CEP170B: variants seen among roughly 807,000 people sequenced by gnomAD.
CEP170B encodes the protein centrosomal protein of 170 kDa protein B.
In CEP170B, 55 loss-of-function variants were observed where a neutral mutation model predicts 120.6. The ratio of observed to expected loss-of-function variants is 0.46; its 90% CI spans 0.37 to 0.57. The LOEUF (loss-of-function observed/expected upper bound fraction) is 0.57. CEP170B is among the 20% of genes least tolerant of loss of function. CEP170B has a pLI of 0.00. For missense variants in CEP170B, 2,212 were observed against 2,253.3 expected, an observed-to-expected ratio of 0.98 and a Z score of 0.37; for synonymous variants, 1,033 against 954.5, an observed-to-expected ratio of 1.08 and a Z score of -1.52.
chr14:104,872,197 C>T (rs1318512085), intron 2 of CEP170B, among the ~76,000 whole-genome samples: 1 of 119,872 alleles, frequency 8.3e-6, no homozygotes, highest in Admixed American at 8.9e-5. Context: ...TGTGTGTGTG[C>T]CGTGGGTGTG....
rs1896866056 is a variant in CEP170B, at chr14:104,891,815, G to C, written c.3879-1161G>C. Among the ~76,000 whole-genome samples the C allele has an allele frequency of 6.6e-6, 1 of 152,168 alleles. No individual in the cohort carries two copies. On this transcript the variant is annotated intron_variant, in intron 13 of 18. Transcript: ENST00000414716. The surrounding 1 kb of genome is among the most constrained non-coding windows in gnomAD (Gnocchi z 4.3). ...GTGCTGGGCGGGGGCCTGAGGGCCA[G>C]GGGCATGTGCCAGTTGGTGTCACCC...
chr14:104,894,394 C>T lies in CEP170B; in HGVS notation c.4365+16C>T, dbSNP rs1427828509. On this transcript the variant is annotated intron_variant, in intron 17 of 18. Transcript: ENST00000414716. ...ATCTAACAAGGTGAGCGCTGGGGCC[C>T]CGTGCCCCTTGGCCTGCCCCCAGCC... The T allele has an allele frequency of 1.2e-6, 2 of 1,611,844 alleles. No individual in the cohort carries two copies. The highest frequency in any genetic ancestry group is 2.7e-5 in the African/African-American group (2 of 74,902).
Position 104,883,067 on chromosome 14 carries a change from G to T in CEP170B, c.610G>T (p.Glu204Ter). ...CAAGGGACCAGTGCAGCAGGACGGG[G>T]AGCTCCACGGCTTCCGCGCCCCTGC... is the stretch of plus-strand genomic sequence containing the variant. ...RPKGPVQQDG[E>*]LHGFRAPAEP... The change falls in exon 8 of 19, where the codon GAG becomes TAG. Residue 204 changes from glutamate to a stop codon, truncating the protein, a stop_gained. Transcript: ENST00000414716. LOFTEE classifies it high-confidence loss of function. The T allele has an allele frequency of 6.4e-7, 1 of 1,552,582 alleles. No homozygotes were observed.
chr14:104,871,895 G>A (rs1410116951), intron 2 of CEP170B, among the ~76,000 whole-genome samples: 1 of 152,234 alleles, frequency 6.6e-6, no homozygotes, highest in Non-Finnish European at 1.5e-5. Context: ...TAGGGGAGTT[G>A]TGTTCCAGGC....
intron 2 of CEP170B, among the ~76,000 whole-genome samples, chr14:104,872,422 GC>G (rs1272448113): frequency 2.0e-5 from 2 of 97,666 alleles, no homozygotes; most frequent in Admixed American, 1.1e-4. Flanking sequence ...CCGTGGGTGT[GC>G]CGTGCGTGTG....
rs2140750233 is a variant in CEP170B, at chr14:104,891,714, T to A, written c.3879-1262T>A. ...CAGAAGGGGATGTGGGGGGCCCATG[T>A]GGGTTTCTGGAGTTCTCTGCCTTCC... On this transcript the variant is annotated intron_variant, in intron 13 of 18. Coordinates refer to ENST00000414716, the MANE Select transcript of CEP170B (RefSeq NM_001112726.3). The surrounding 1 kb of genome is among the most constrained non-coding windows in gnomAD (Gnocchi z 4.3). Among the ~76,000 whole-genome samples the A allele has an allele frequency of 6.6e-6, 1 of 151,830 alleles. No individual in the cohort carries two copies. Among genetic ancestry groups the A allele is most frequent in the East Asian group, 1.9e-4 (1 of 5,160 alleles).
In CEP170B at chr14:104,895,059, C is replaced by T. The variant is rs1218121915; in HGVS notation, c.*101C>T. The stretch of plus-strand genomic sequence containing the variant: ...GGCCGCAGGTGGTTCTCCCTGAAGA[C>T]CCCCACATGTGCCATATCCCTGTGG... On this transcript the variant is annotated 3_prime_UTR_variant, in exon 19 of 19. Transcript: ENST00000414716. 3 of 1,329,374 alleles carry T rather than the reference C, an allele frequency of 2.3e-6. No homozygotes were observed. Among genetic ancestry groups the T allele is most frequent in the South Asian group, 1.5e-5 (1 of 66,106 alleles). 82.3% of individuals were successfully genotyped at this position (1,329,374 alleles called of 1,614,324 possible). A position where few individuals can be genotyped will look rare whatever the true frequency, so the allele number is the denominator to read the frequency against.
Position 104,887,672 on chromosome 14 carries a change from G to T in CEP170B, c.3433G>T (p.Gly1145Trp). 1 of 1,573,620 alleles carries T rather than the reference G, an allele frequency of 6.4e-7. No homozygotes were observed. Among genetic ancestry groups the T allele is most frequent in the Admixed American group, 1.8e-5 (1 of 54,878 alleles). Residue 1145 changes from glycine to tryptophan, a missense_variant, in exon 12 of 19, where the codon GGG (glycine) becomes TGG (tryptophan). Physicochemically the swap from Gly to Trp is radical, Grantham distance 184. This residue lies in a region of CEP170B where 2,166 missense variants were observed against 2,166.7 expected (regional missense o/e 1.00). Transcript: ENST00000414716. ...SDTEAADGER[G>W]SLGNPEPVGR... ...CACTGAGGCTGCGGATGGTGAGCGG[G>T]GGTCCCTGGGCAACCCTGAGCCCGT...
intron 3 of CEP170B, 45 bp downstream of exon 3, chr14:104,876,390 T>A: frequency 6.6e-7 from 1 of 1,526,710 alleles, no homozygotes; most frequent in Non-Finnish European, 8.9e-7. Context: ...AGCTCGACCC[T>A]TCAGCCCTGG....
chr14:104,894,252 C>T, intron 16 of CEP170B, 33 bp from the exon 17 acceptor site: 3 of 1,484,366 alleles, frequency 2.0e-6, no homozygotes, highest in South Asian at 1.1e-5. Context: ...CTGTCCTTGT[C>T]CCCCCATTTC....
intron 1 of CEP170B, among the ~76,000 whole-genome samples, chr14:104,866,813 C>T (rs755662072): frequency 6.6e-6 from 1 of 152,186 alleles, no homozygotes; most frequent in Non-Finnish European, 1.5e-5. Context: ...GAGCCACTCA[C>T]TCCTCTGCCT....
rs954298739 is a variant in CEP170B, at chr14:104,868,269, A to C, written c.-27-155A>C. Among the ~76,000 whole-genome samples, 3 of 152,112 alleles carry C rather than the reference A, an allele frequency of 2.0e-5. No individual in the cohort carries two copies. Among genetic ancestry groups the C allele is most frequent in the Non-Finnish European group, 2.9e-5 (2 of 68,012 alleles). The stretch of plus-strand genomic sequence containing the variant: ...GGCAGTGGGACTCGGGACCATACCC[A>C]GGGAGGGCGGGTGGCCTGATGAGGC... On this transcript the variant is annotated intron_variant, in intron 1 of 18. Coordinates refer to ENST00000414716, the MANE Select transcript of CEP170B (RefSeq NM_001112726.3). This position sits in a 1 kb window ranked among gnomAD's most constrained non-coding sequence, Gnocchi z 5.9.
chr14:104,894,972 C>A lies in CEP170B; in HGVS notation c.*14C>A. 4 of 1,544,086 alleles carry A rather than the reference C, an allele frequency of 2.6e-6. No individual in the cohort carries two copies. Among genetic ancestry groups the A allele is most frequent in the Non-Finnish European group, 3.5e-6 (4 of 1,141,008 alleles). On this transcript the variant is annotated 3_prime_UTR_variant, in exon 19 of 19. Coordinates refer to ENST00000414716, the MANE Select transcript of CEP170B (RefSeq NM_001112726.3). ...TTCCTGATCTAGGCCCCAGACCTGG[C>A]CAGGCCAGCCTCCCTGTGCGTGTGC... is the stretch of plus-strand genomic sequence containing the variant.
Position 104,876,531 on chromosome 14 carries a change from C to A in CEP170B, c.195+186C>A, listed in dbSNP as rs1047595585. Among the ~76,000 whole-genome samples, 9 of 147,296 alleles carry A rather than the reference C, an allele frequency of 6.1e-5. No individual in the cohort carries two copies. The East Asian group carries it at 1.4e-3, about 23-fold the overall frequency. ...CTCAGCCCTGGCCCCTCCTTCTCAG[C>A]TCTGGCTCCTCCCCCAGCCCTGGCC... On this transcript the variant is annotated intron_variant, in intron 3 of 18. Coordinates refer to ENST00000414716, the MANE Select transcript of CEP170B (RefSeq NM_001112726.3).
In CEP170B at chr14:104,893,647, G is replaced by T; in HGVS notation, c.4163G>T (p.Arg1388Leu). Residue 1388 changes from arginine to leucine, a missense_variant, in exon 15 of 19, where the codon CGG (arginine) becomes CTG (leucine). Arg to Leu is a moderately radical substitution (Grantham distance 102, BLOSUM62 -2). This residue lies in a region of CEP170B where 2,166 missense variants were observed against 2,166.7 expected (regional missense o/e 1.00). Coordinates refer to ENST00000414716, the MANE Select transcript of CEP170B (RefSeq NM_001112726.3). Reference sequence around the variant, plus strand: ...GAGGACGCCCTGGCCAACAAGACGCGGCCTCGGAACCGAGAGGAGGCACGG... The same window carrying T: ...GAGGACGCCCTGGCCAACAAGACGCTGCCTCGGAACCGAGAGGAGGCACGG... ...SCEDALANKT[R>L]PRNREEVIFD... The T allele has an allele frequency of 6.3e-7, 1 of 1,590,668 alleles. No homozygotes were observed. The highest frequency in any genetic ancestry group is 8.5e-7 in the Non-Finnish European group (1 of 1,169,744).
Position 104,893,009 on chromosome 14 carries a change from C to G in CEP170B, c.3912C>G (p.Ile1304Met). Reference protein sequence around the residue: ...LSQTLVKDVAILAQEIHDVAG... With the variant: ...LSQTLVKDVAMLAQEIHDVAG... ...AGACGCTGGTGAAGGACGTGGCCAT[C>G]CTAGCCCAGGAGATCCACGATGTGG... The change falls in exon 14 of 19, where the codon ATC becomes ATG. Residue 1304 changes from isoleucine (I) to methionine (M), a missense_variant. Coordinates refer to ENST00000414716, the MANE Select transcript of CEP170B (RefSeq NM_001112726.3). 1 of 1,579,856 alleles carries G rather than the reference C, an allele frequency of 6.3e-7. No individual in the cohort carries two copies.
chr14:104,872,289 C>CGG, intron 2 of CEP170B, among the ~76,000 whole-genome samples: 1 of 57,180 alleles, frequency 1.7e-5, no homozygotes, highest in Non-Finnish European at 4.1e-5. Context: ...GTGTGTGCCG[C>CGG]GTGTGTGTGC....
At position 104,895,241 on chromosome 14, in the gene CEP170B, G is replaced by A. The variant is rs1000055506; in HGVS notation, c.*283G>A. On this transcript the variant is annotated 3_prime_UTR_variant, in exon 19 of 19. Coordinates refer to ENST00000414716, the MANE Select transcript of CEP170B (RefSeq NM_001112726.3). Reference sequence around the variant, plus strand: ...TGCTGCCAAGGTCAAGCCCTCAAGGGCATTACCCCGCCTCCTCTTCATCAC... The same window carrying A: ...TGCTGCCAAGGTCAAGCCCTCAAGGACATTACCCCGCCTCCTCTTCATCAC... 2.1e-5 allele frequency: 9 copies of A among 431,410 alleles called. No individual in the cohort carries two copies. The highest frequency in any genetic ancestry group is 5.9e-5 in the South Asian group (1 of 16,878). 26.7% of individuals were successfully genotyped at this position (431,410 alleles called of 1,614,324 possible). A position where few individuals can be genotyped will look rare whatever the true frequency, so the allele number is the denominator to read the frequency against.
intron 5 of CEP170B, among the ~76,000 whole-genome samples, chr14:104,879,599 C>T (rs1896037509): frequency 6.6e-6 from 1 of 152,130 alleles, no homozygotes. Context: ...CGGAGCCCCT[C>T]AGGAGGTAAC....
Sources: allele counts gnomAD v4.1 joint callset (sites outside exome capture counted in the v4.1 genomes callset), GRCh38; gene constraint gnomAD v4.1.1; regional missense constraint gnomAD v4.1.1; non-coding constraint Gnocchi (gnomAD v3.1); transcripts MANE v1.5; gene names NCBI Gene and HGNC (gene_info 2026-07-23, HGNC 2026-07-21).